The following CCDC138 variants were observed in gnomAD, a reference collection of about 807,000 sequenced individuals.
CCDC138 encodes the protein coiled-coil domain-containing protein 138.
In CCDC138, 66 loss-of-function variants were observed where a neutral mutation model predicts 82.3. The ratio of observed to expected loss-of-function variants is 0.80; its 90% CI spans 0.66 to 0.98. CCDC138 has a LOEUF of 0.98. Among genes scored for constraint, CCDC138 ranks in the 50% least tolerant of loss-of-function variants. CCDC138 has a pLI of 0.00. For missense variants in CCDC138, 816 were observed against 758.9 expected (o/e 1.08, Z -0.88); for synonymous variants, 297 against 265.4 (o/e 1.12, Z -1.16).
chr2:108,873,248 C>T (rs1231216212), intron 13 of CCDC138, among the ~76,000 whole-genome samples: 1 of 151,830 alleles, frequency 6.6e-6, no homozygotes, highest in Non-Finnish European at 1.5e-5. Context: ...GGTAAATAAT[C>T]TTTTGTTTGC....
chr2:108,809,160 G>A (rs956577766), intron 7 of CCDC138, among the ~76,000 whole-genome samples: 1 of 152,074 alleles, frequency 6.6e-6, no homozygotes, highest in South Asian at 2.1e-4. Flanking sequence ...TCTCTATGCT[G>A]TTCCATTAGT....
intron 3 of CCDC138, 98 bp downstream of exon 3, chr2:108,789,064 A>G (rs1446980239): frequency 7.8e-7 from 1 of 1,274,340 alleles, no homozygotes; most frequent in South Asian, 1.3e-5. Flanking sequence ...TTTCCTGAGG[A>G]CAAGTATGAG....
chr2:108,880,924 A>G (rs1384856071), downstream of CCDC138, among the ~76,000 whole-genome samples: 1 of 152,222 alleles, frequency 6.6e-6, no homozygotes, highest in Non-Finnish European at 1.5e-5. Context: ...TTGCTTCTCC[A>G]TATATACTTT....
At chr2:108,871,055 G>A (rs184571092) in intron 13 of CCDC138, among the ~76,000 whole-genome samples, 27 of 152,110 alleles carry the variant, frequency 1.8e-4, no homozygotes, top group South Asian at 1.0e-3. Context: ...AGAAATAGCC[G>A]TCATTAATGT....
intron 11 of CCDC138, 62 bp from the exon 12 acceptor site, chr2:108,846,676 C>CA (rs940948258): frequency 4.2e-4 from 588 of 1,413,968 alleles, no homozygotes; most frequent in Non-Finnish European, 4.7e-4. Context: ...GACTGTGTCT[C>CA]AAAAAAAAAG....
In CCDC138 at chr2:108,851,593, G is replaced by A. The variant is rs528380729; in HGVS notation, c.1516+4663G>A. 7.7e-4 allele frequency among the ~76,000 whole-genome samples: 116 copies of A among 151,484 alleles called. 1 individual carries two copies. The highest frequency in any genetic ancestry group is 1.1e-3 in the Non-Finnish European group (74 of 68,028). On this transcript the variant is annotated intron_variant, in intron 12 of 14. Transcript: ENST00000295124. ...GCTGATATTACAGGCGTGAGCCACC[G>A]CGCCCGGCCTTTCTCTTGGGTTTTT... is the stretch of plus-strand genomic sequence containing the variant.
intron 12 of CCDC138, among the ~76,000 whole-genome samples, chr2:108,854,861 G>C (rs73952532): frequency 2.0e-5 from 3 of 152,096 alleles, no homozygotes; most frequent in Admixed American, 2.0e-4. Flanking sequence ...AGATTCAAAG[G>C]GTGGGCAGTA....
intron 9 of CCDC138, among the ~76,000 whole-genome samples, chr2:108,814,473 T>C (rs924211797): frequency 6.6e-6 from 1 of 152,064 alleles, no homozygotes; most frequent in Non-Finnish European, 1.5e-5. Context: ...GGAGTTAGTT[T>C]CTATTTGAAA....
intron 13 of CCDC138, among the ~76,000 whole-genome samples, chr2:108,858,621 C>T (rs6727368): frequency 0.71 from 107,283 of 151,954 alleles, 41,279 homozygotes; most frequent in East Asian, 0.9. Flanking sequence ...ACTTCTTTAG[C>T]TGTTGGTTTT....
downstream of CCDC138, among the ~76,000 whole-genome samples, chr2:108,876,871 C>T (rs986235385): frequency 6.6e-6 from 1 of 152,128 alleles, no homozygotes; most frequent in African/African-American, 2.4e-5. Flanking sequence ...CAAAAATAAT[C>T]GTCCTGTTAC....
At chr2:108,829,328 A>G (rs1045038158) in intron 10 of CCDC138, among the ~76,000 whole-genome samples, 16 of 152,214 alleles carry the variant, frequency 1.1e-4, no homozygotes, top group African/African-American at 3.9e-4. Flanking sequence ...CAAGCAAAGA[A>G]CCTAAATAGC....
chr2:108,816,038 TG>T lies in CCDC138; in HGVS notation c.1141del (p.Asp381MetfsTer21), dbSNP rs770421556. The T allele has an allele frequency of 5.0e-6, 8 of 1,613,746 alleles. No individual in the cohort carries two copies. The highest frequency in any genetic ancestry group is 3.3e-5 in the Admixed American group (2 of 59,962). On this transcript the variant is annotated frameshift_variant, in exon 10 of 15. Coordinates refer to ENST00000295124, the MANE Select transcript of CCDC138 (RefSeq NM_144978.3). LOFTEE classifies it high-confidence loss of function. ...LSKVKHEESGMDGKKPQLKFA... is the reference protein window; with the variant it reads ...LSKVKHEESGXDGKKPQLKFA... ...AAAGTGAAACATGAAGAATCTGGAA[TG>T]GATGGTAAAAAACCACAACTCAAAT...
chr2:108,793,604 GT>G (rs1042573468), intron 4 of CCDC138, among the ~76,000 whole-genome samples: 5 of 145,560 alleles, frequency 3.4e-5, no homozygotes, highest in African/African-American at 7.5e-5. Flanking sequence ...GTTTTGTTTT[GT>G]TTTTTTTTTG....
intron 13 of CCDC138, among the ~76,000 whole-genome samples, chr2:108,865,819 G>T (rs999939492): frequency 1.4e-4 from 22 of 152,158 alleles, no homozygotes; most frequent in Non-Finnish European, 2.4e-4. Flanking sequence ...CAGAGGTAGA[G>T]GGCGGGGTGG....
At chr2:108,798,708 TACACACAC>T (rs34242205) in intron 6 of CCDC138, 122 bp downstream of exon 6, 1,324 of 425,580 alleles carry the variant, frequency 3.1e-3, no homozygotes, top group African/African-American at 5.6e-3. Flanking sequence ...TCTCCACGCC[TACACACAC>T]ACACACACAC....
chr2:108,804,821 G>A (rs1682562263), intron 6 of CCDC138, 68 bp from the exon 7 acceptor site: 27 of 1,321,208 alleles, frequency 2.0e-5, no homozygotes, highest in Non-Finnish European at 2.3e-5. Flanking sequence ...ATTAATTCAC[G>A]TTCCATAGTA....
At chr2:108,828,814 TA>T (rs1687066939) in intron 10 of CCDC138, among the ~76,000 whole-genome samples, 1 of 151,974 alleles carries the variant, frequency 6.6e-6, no homozygotes, top group Non-Finnish European at 1.5e-5. Flanking sequence ...CTATCTGTAC[TA>T]AAAATACCAA....
rs921571543 is a variant in CCDC138 at position 108,791,928 on chromosome 2, T to C, written c.394+126T>C. The C allele has an allele frequency of 3.1e-6, 3 of 960,716 alleles. No individual in the cohort carries two copies. In the African/African-American group the frequency reaches 5.0e-5, roughly 16 times the overall value. 59.5% of individuals were successfully genotyped at this position (960,716 alleles called of 1,614,324 possible). A position where few individuals can be genotyped will look rare whatever the true frequency, so the allele number is the denominator to read the frequency against. On this transcript the variant is annotated intron_variant, in intron 4 of 14. Transcript: ENST00000295124. ...CATATTTCTGTGTTCTGAACTTCTG[T>C]AAGCTAGGAGATAGTTACTGTGCTT...
At chr2:108,798,816 T>TACACACACACACACACAAACACAC (rs1681376716) in intron 6 of CCDC138, among the ~76,000 whole-genome samples, 1 of 131,556 alleles carries the variant, frequency 7.6e-6, no homozygotes, top group Non-Finnish European at 1.6e-5. Flanking sequence ...TCTCCACACC[T>TACACACACACACACACAAACACAC]ACACACACAC....
Sources: gnomAD v4.1 joint callset for allele counts (sites outside exome capture counted in the v4.1 genomes callset) on GRCh38, gnomAD v4.1.1 for gene constraint, MANE v1.5 for transcripts, NCBI Gene and HGNC (gene_info 2026-07-23, HGNC 2026-07-21) for gene names.